HS6ST2: variants seen among roughly 807,000 people sequenced by gnomAD.
HS6ST2 encodes heparan-sulfate 6-O-sulfotransferase 2.
HS6ST2 carries 17 observed loss-of-function variants against 33.0 expected under a neutral mutation model. The observed-to-expected ratio is 0.52, with a 90% confidence interval of 0.35 to 0.77. HS6ST2 has a LOEUF of 0.77. HS6ST2 is among the 30% of genes least tolerant of loss of function. The pLI is 0.01. For missense variants in HS6ST2, 519 were observed against 551.7 expected (o/e 0.94, Z 0.59); for synonymous variants, 248 against 237.1 (o/e 1.05, Z -0.42).
Position 132,628,110 on chromosome X carries a change from T to C in HS6ST2, c.*113A>G, listed in dbSNP as rs192807034. ...TAAAGGCAACATCTAAACTTTTTTT[T>C]AAAACTTCCCCAATGAAGGAAGCAG... On this transcript the variant is annotated 3_prime_UTR_variant, in exon 5 of 5. Coordinates refer to ENST00000370833, the MANE Select transcript of HS6ST2 (RefSeq NM_001394073.1). 3.4e-6 allele frequency: 2 copies of C among 584,807 alleles called. No individual in the cohort carries two copies. Among genetic ancestry groups the C allele is most frequent in the Admixed American group, 8.0e-5 (2 of 24,912 alleles). The allele number at this position is 584,807 out of a possible 1,213,427, so 48.2% of individuals were successfully genotyped here. A position where few individuals can be genotyped will look rare whatever the true frequency, so the allele number is the denominator to read the frequency against.
chrX:132,784,956 T>G (rs1363930790), intron 2 of HS6ST2, among the ~76,000 whole-genome samples: 2 of 111,792 alleles, frequency 1.8e-5, no homozygotes, highest in Non-Finnish European at 3.8e-5. Context: ...ACCTCGTCCT[T>G]GGTTCGGTTC....
At chrX:132,866,642 T>A (rs2065985938) in intron 2 of HS6ST2, among the ~76,000 whole-genome samples, 1 of 79,172 alleles carries the variant, frequency 1.3e-5, no homozygotes, top group Non-Finnish European at 2.4e-5. Flanking sequence ...GTTTGTGTCC[T>A]CTTTTATTTC....
chrX:132,936,258 A>G (rs1193712519), intron 2 of HS6ST2, among the ~76,000 whole-genome samples: 1 of 111,659 alleles, frequency 9.0e-6, no homozygotes, highest in Non-Finnish European at 1.9e-5. Flanking sequence ...CCAGAAAGAC[A>G]ATAAACTACT....
At chrX:132,635,987 G>A (rs2063549368) in intron 4 of HS6ST2, among the ~76,000 whole-genome samples, 1 of 110,718 alleles carries the variant, frequency 9.0e-6, no homozygotes, top group Non-Finnish European at 1.9e-5. Flanking sequence ...TGACCTCCCT[G>A]GATGGAGTTA....
At chrX:132,774,920 A>T (rs2064942016) in intron 2 of HS6ST2, among the ~76,000 whole-genome samples, 1 of 110,425 alleles carries the variant, frequency 9.1e-6, no homozygotes, top group African/African-American at 3.3e-5. Context: ...ACCTCAAGAG[A>T]TCTTCCCACC....
intron 4 of HS6ST2, among the ~76,000 whole-genome samples, chrX:132,646,493 C>T (rs1354610607): frequency 2.0e-5 from 2 of 102,071 alleles, no homozygotes; most frequent in South Asian, 4.8e-4. Context: ...ATGATAGCAG[C>T]TCTGCACTCT....
At chrX:132,651,942 G>A (rs1303709733) in intron 4 of HS6ST2, among the ~76,000 whole-genome samples, 3 of 112,040 alleles carry the variant, frequency 2.7e-5, no homozygotes, top group South Asian at 3.7e-4. Flanking sequence ...TGTTGAGAGT[G>A]GGAAGGATTT....
intron 2 of HS6ST2, among the ~76,000 whole-genome samples, chrX:132,829,260 A>C (rs2065563651): frequency 9.9e-6 from 1 of 100,933 alleles, no homozygotes; most frequent in Non-Finnish European, 2.0e-5. Flanking sequence ...TTTATGCATA[A>C]ATTAAGCCTA....
At chrX:132,869,368 A>G (rs2066031739) in intron 2 of HS6ST2, among the ~76,000 whole-genome samples, 1 of 112,082 alleles carries the variant, frequency 8.9e-6, no homozygotes, top group Non-Finnish European at 1.9e-5. Context: ...TCCTTCTGAA[A>G]CTATTCCAAT....
intron 2 of HS6ST2, among the ~76,000 whole-genome samples, chrX:132,731,674 C>T (rs1433046130): frequency 9.0e-6 from 1 of 110,804 alleles, no homozygotes; most frequent in Non-Finnish European, 1.9e-5. Flanking sequence ...GGTGAAACCC[C>T]GTCTCTACTA....
intron 2 of HS6ST2, among the ~76,000 whole-genome samples, chrX:132,839,732 G>A: frequency 9.0e-6 from 1 of 110,856 alleles, no homozygotes; most frequent in Non-Finnish European, 1.9e-5. Context: ...ATCAACAATT[G>A]TTCAAGATGA....
At chrX:132,811,545 T>C (rs1387200829) in intron 2 of HS6ST2, among the ~76,000 whole-genome samples, 1 of 106,463 alleles carries the variant, frequency 9.4e-6, no homozygotes, top group Non-Finnish European at 1.9e-5. Flanking sequence ...CTCTAGGTAC[T>C]TCATACAAGG....
At chrX:132,957,638 C>T (rs1276392059) in intron 1 of HS6ST2, among the ~76,000 whole-genome samples, 1 of 109,493 alleles carries the variant, frequency 9.1e-6, no homozygotes, top group East Asian at 2.9e-4. Flanking sequence ...GGTTTAGCCC[C>T]AGTGGGACCC....
intron 2 of HS6ST2, among the ~76,000 whole-genome samples, chrX:132,892,713 G>A (rs982999251): frequency 1.7e-4 from 19 of 111,719 alleles, no homozygotes; most frequent in African/African-American, 4.9e-4. Context: ...CAGCTACCCC[G>A]GAAGCTGAGG....
intron 2 of HS6ST2, among the ~76,000 whole-genome samples, chrX:132,715,373 C>A (rs1463980500): frequency 8.9e-6 from 1 of 112,204 alleles, no homozygotes; most frequent in African/African-American, 3.2e-5. Flanking sequence ...GAGTTCAAGG[C>A]TGCAGTGAGC....
At chrX:132,857,935 G>T (rs1274900858) in intron 2 of HS6ST2, among the ~76,000 whole-genome samples, 1 of 111,918 alleles carries the variant, frequency 8.9e-6, no homozygotes, top group Non-Finnish European at 1.9e-5. Flanking sequence ...GCACGGCATG[G>T]CACCTAACTA....
chrX:132,915,631 C>T (rs2066578743), intron 2 of HS6ST2, among the ~76,000 whole-genome samples: 1 of 110,995 alleles, frequency 9.0e-6, no homozygotes, highest in Admixed American at 9.6e-5. Context: ...CCTTGCTCCA[C>T]CTAACAAGCT....
chrX:132,838,231 G>T (rs1391653116), intron 2 of HS6ST2, among the ~76,000 whole-genome samples: 1 of 111,830 alleles, frequency 8.9e-6, no homozygotes, highest in Non-Finnish European at 1.9e-5. Flanking sequence ...AAACATATCT[G>T]CCCTGCCCTC....
At chrX:132,868,729 C>G (rs1395339695) in intron 2 of HS6ST2, among the ~76,000 whole-genome samples, 1 of 111,356 alleles carries the variant, frequency 9.0e-6, no homozygotes, top group Non-Finnish European at 1.9e-5. Flanking sequence ...TCTTTGAAAC[C>G]GACGAGAACA....
Sources: allele counts gnomAD v4.1 joint callset (sites outside exome capture counted in the v4.1 genomes callset), GRCh38; gene constraint gnomAD v4.1.1; transcripts MANE v1.5; gene names NCBI Gene and HGNC (gene_info 2026-07-23, HGNC 2026-07-21).